SGSM2: variants seen among roughly 807,000 people sequenced by gnomAD.
The protein encoded by SGSM2 is small G protein signaling modulator 2.
Under a neutral mutation model 126.6 loss-of-function variants are expected in SGSM2, and 89 were observed. That is an observed-to-expected ratio of 0.70 (90% confidence interval 0.59 to 0.84). The LOEUF (loss-of-function observed/expected upper bound fraction) is 0.84. Ranked by LOEUF, SGSM2 falls within the 40% of genes least tolerant of loss-of-function variation. SGSM2 has a pLI of 0.00. For synonymous variants in SGSM2, 614 were observed against 574.3 expected, an observed-to-expected ratio of 1.07 and a Z score of -0.99; for missense variants, 1,404 against 1,416.6, an observed-to-expected ratio of 0.99 and a Z score of 0.14.
At chr17:2,352,981 G>A (rs568511946) in intron 2 of SGSM2, among the ~76,000 whole-genome samples, 95 of 151,474 alleles carry the variant, frequency 6.3e-4, no homozygotes, top group Non-Finnish European at 1.3e-3. Flanking sequence ...GTTTCACCAT[G>A]TTAGCCAGGA....
intron 12 of SGSM2, among the ~76,000 whole-genome samples, chr17:2,369,566 T>C (rs1292065720): frequency 6.6e-6 from 1 of 151,970 alleles, no homozygotes; most frequent in Non-Finnish European, 1.5e-5. Flanking sequence ...TCAGAGACAG[T>C]GTTCGAATGT....
In SGSM2 at chr17:2,380,425, C is replaced by T. The variant is rs1448089215; in HGVS notation, c.*905C>T. On this transcript the variant is annotated 3_prime_UTR_variant, in exon 24 of 24. Coordinates refer to ENST00000268989, the MANE Select transcript of SGSM2 (RefSeq NM_014853.3). ...GACAGGCCTCAGTTCGAGGGCAGCC[C>T]ATTATCTGTCGCAGACATCTGCCAT... 4.3e-6 allele frequency: 4 copies of T among 933,678 alleles called. No individual in the cohort carries two copies. The highest frequency in any genetic ancestry group is 3.2e-5 in the African/African-American group (2 of 61,546). The allele number at this position is 933,678 out of a possible 1,614,324, so 57.8% of individuals were successfully genotyped here.
chr17:2,375,800 C>T lies in SGSM2; in HGVS notation c.2409C>T (p.Pro803=), dbSNP rs370920155. Residue 803 remains proline (P), a synonymous_variant, in exon 18 of 24, where the codon CCC becomes CCT. Transcript: ENST00000268989. ...AAHTLREPQD[P]SQEKPQAGEL... is the part of the protein sequence containing the mutation. ...ACACTTTGAGGGAGCCCCAGGATCCCAGCCAGGAGAAGCCTCAGGCCGGAG... is the reference window on the plus strand; with the variant it reads ...ACACTTTGAGGGAGCCCCAGGATCCTAGCCAGGAGAAGCCTCAGGCCGGAG... 57 of 1,570,206 alleles carry T rather than the reference C, an allele frequency of 3.6e-5. No homozygotes were observed. The highest frequency in any genetic ancestry group is 4.5e-5 in the Non-Finnish European group (52 of 1,158,468).
chr17:2,377,022 G>A lies in SGSM2; in HGVS notation c.2756G>A (p.Gly919Glu). Residue 919 changes from glycine to glutamate, a missense_variant, in exon 21 of 24, where the codon GGG (glycine) becomes GAG (glutamate). Physicochemically the swap from Gly to Glu is moderately conservative, Grantham distance 98. Coordinates refer to ENST00000268989, the MANE Select transcript of SGSM2 (RefSeq NM_014853.3). Reference protein sequence around the residue: ...MKRMSQNFPNGGAMDTHFANM... With the variant: ...MKRMSQNFPNEGAMDTHFANM... ...AGGATGAGCCAGAACTTCCCCAACGGGGGTGCCATGGACACCCACTTTGCC... is the reference window on the plus strand; with the variant it reads ...AGGATGAGCCAGAACTTCCCCAACGAGGGTGCCATGGACACCCACTTTGCC... The A allele has an allele frequency of 6.2e-7, 1 of 1,613,826 alleles. No individual in the cohort carries two copies. The highest frequency in any genetic ancestry group is 8.5e-7 in the Non-Finnish European group (1 of 1,179,936).
chr17:2,364,368 C>A, intron 8 of SGSM2, 185 bp downstream of exon 8: 1 of 884,904 alleles, frequency 1.1e-6, no homozygotes. Context: ...CAAGCCTGGC[C>A]GTGAAGAGGT....
At chr17:2,373,648 A>T in intron 17 of SGSM2, 135 bp downstream of exon 17, 1 of 725,234 alleles carries the variant, frequency 1.4e-6, no homozygotes, top group Non-Finnish European at 2.2e-6. Context: ...CCTGTGTCTC[A>T]TTTTCTCCAA....
In SGSM2 at chr17:2,372,275, G is replaced by A. The variant is rs1384303075; in HGVS notation, c.1642+21G>A. 1 of 1,612,238 alleles carries A rather than the reference G, an allele frequency of 6.2e-7. No homozygotes were observed. Among genetic ancestry groups the A allele is most frequent in the East Asian group, 2.2e-5 (1 of 44,844 alleles). ...CGGCTGTGAGTGTGGGGCGCGCCGG[G>A]CTGTGGCGGGCTGGGGGCGGGCGGC... On this transcript the variant is annotated intron_variant, in intron 14 of 23. Transcript: ENST00000268989. This position sits in a 1 kb window ranked among gnomAD's most constrained non-coding sequence, Gnocchi z 6.0.
Position 2,367,098 on chromosome 17 carries a change from A to T in SGSM2, c.1289-173A>T, listed in dbSNP as rs1252521987. 2.8e-6 allele frequency: 2 copies of T among 723,508 alleles called. No homozygotes were observed. Among genetic ancestry groups the T allele is most frequent in the East Asian group, 5.6e-5 (2 of 35,794 alleles). The allele number at this position is 723,508 out of a possible 1,614,324, so 44.8% of individuals were successfully genotyped here. A position where few individuals can be genotyped will look rare whatever the true frequency, so the allele number is the denominator to read the frequency against. On this transcript the variant is annotated intron_variant, in intron 11 of 23. Transcript: ENST00000268989. The surrounding 1 kb of genome is among the most constrained non-coding windows in gnomAD (Gnocchi z 4.0). Reference sequence around the variant, plus strand: ...GCCCCAGCCCCTCGCCTCCTTCCACACTCTCCCAGGAAAATCATCCAAAGA... The same window carrying T: ...GCCCCAGCCCCTCGCCTCCTTCCACTCTCTCCCAGGAAAATCATCCAAAGA...
In SGSM2 at chr17:2,380,556, G is replaced by A; in HGVS notation, c.*1036G>A. On this transcript the variant is annotated 3_prime_UTR_variant, in exon 24 of 24. Coordinates refer to ENST00000268989, the MANE Select transcript of SGSM2 (RefSeq NM_014853.3). ...CACATGCTTCTCAGGATGCCAAGAGGCCTAGGAACCCAGAAACCCCCTTGG... is the reference window on the plus strand; with the variant it reads ...CACATGCTTCTCAGGATGCCAAGAGACCTAGGAACCCAGAAACCCCCTTGG... 1.8e-6 allele frequency: 1 copy of A among 560,796 alleles called. No homozygotes were observed. The highest frequency in any genetic ancestry group is 3.2e-6 in the Non-Finnish European group (1 of 312,884). 34.7% of individuals were successfully genotyped at this position (560,796 alleles called of 1,614,324 possible). A position where few individuals can be genotyped will look rare whatever the true frequency, so the allele number is the denominator to read the frequency against.
At chr17:2,346,252 C>A (rs1280378064) in intron 2 of SGSM2, among the ~76,000 whole-genome samples, 1 of 152,114 alleles carries the variant, frequency 6.6e-6, no homozygotes, top group Non-Finnish European at 1.5e-5. Context: ...CTAGCGACAC[C>A]ACGGTCCCTA....
At chr17:2,346,772 G>A (rs1455244807) in intron 2 of SGSM2, among the ~76,000 whole-genome samples, 1 of 152,116 alleles carries the variant, frequency 6.6e-6, no homozygotes, top group East Asian at 1.9e-4. Flanking sequence ...GTGGAGGGTG[G>A]CGCTAGGAGA....
chr17:2,345,257 T>C lies in SGSM2; in HGVS notation c.133+1637T>C, dbSNP rs537423040. ...CAGGTGGATCACCTGAGGTCAGGAG[T>C]TCGAGACCAGCCTGGCCAACTTGGT... On this transcript the variant is annotated intron_variant, in intron 2 of 23. Transcript: ENST00000268989. Among the ~76,000 whole-genome samples the C allele has an allele frequency of 1.6e-3, 246 of 151,646 alleles. 1 individual carries two copies. The highest frequency in any genetic ancestry group is 5.8e-3 in the African/African-American group (238 of 41,304).
At chr17:2,368,608 C>T (rs62067016) in intron 12 of SGSM2, among the ~76,000 whole-genome samples, 6 of 152,208 alleles carry the variant, frequency 3.9e-5, no homozygotes, top group Non-Finnish European at 8.8e-5. Context: ...AGCACACCCT[C>T]TGCACAAGCT....
intron 22 of SGSM2, 87 bp from the exon 23 acceptor site, chr17:2,378,949 C>G (rs1308995634): frequency 6.8e-7 from 1 of 1,470,086 alleles, no homozygotes; most frequent in East Asian, 2.5e-5. Flanking sequence ...TCAGCCCCAG[C>G]CTCAATCCCA....
chr17:2,372,598 GCCAC>G lies in SGSM2; in HGVS notation c.1788+111_1788+114del. Reference sequence around the variant, plus strand: ...GTGCGGTTGACAGGCCAGGGCCGATGCCACGGAGTGACCAGGGTCCCGGCAGAAT... The same window carrying G: ...GTGCGGTTGACAGGCCAGGGCCGATGGGAGTGACCAGGGTCCCGGCAGAAT... On this transcript the variant is annotated intron_variant, in intron 15 of 23. Coordinates refer to ENST00000268989, the MANE Select transcript of SGSM2 (RefSeq NM_014853.3). The surrounding 1 kb of genome is among the most constrained non-coding windows in gnomAD (Gnocchi z 6.0). 7.1e-7 allele frequency: 1 copy of G among 1,413,774 alleles called. No homozygotes were observed. The highest frequency in any genetic ancestry group is 9.6e-7 in the Non-Finnish European group (1 of 1,037,220). 87.6% of individuals were successfully genotyped at this position (1,413,774 alleles called of 1,614,324 possible). A position where few individuals can be genotyped will look rare whatever the true frequency, so the allele number is the denominator to read the frequency against.
Position 2,380,274 on chromosome 17 carries a change from T to G in SGSM2, c.*754T>G. 1 of 1,536,008 alleles carries G rather than the reference T, an allele frequency of 6.5e-7. No homozygotes were observed. ...TTGCGTTCTGCATTAGGTACTTCCCTGAAAACCACGTGTAAGAAGTGATGC... is the reference window on the plus strand; with the variant it reads ...TTGCGTTCTGCATTAGGTACTTCCCGGAAAACCACGTGTAAGAAGTGATGC... On this transcript the variant is annotated 3_prime_UTR_variant, in exon 24 of 24. Transcript: ENST00000268989.
chr17:2,349,043 C>T (rs1052420481), intron 2 of SGSM2, among the ~76,000 whole-genome samples: 3 of 151,506 alleles, frequency 2.0e-5, no homozygotes, highest in Admixed American at 6.6e-5. Flanking sequence ...GGATTACAGG[C>T]ATGAGCCACC....
At chr17:2,375,970 G>C in intron 18 of SGSM2, 95 bp downstream of exon 18, 3 of 1,501,148 alleles carry the variant, frequency 2.0e-6, no homozygotes, top group Non-Finnish European at 2.7e-6. Context: ...AAGGCGGGGC[G>C]CCCTGACTGC....
Position 2,372,041 on chromosome 17 carries a change from C to T in SGSM2, c.1578-149C>T, listed in dbSNP as rs2065895310. The T allele has an allele frequency of 2.2e-6, 2 of 902,664 alleles. No individual in the cohort carries two copies. Among genetic ancestry groups the T allele is most frequent in the South Asian group, 1.5e-5 (1 of 65,698 alleles). 55.9% of individuals were successfully genotyped at this position (902,664 alleles called of 1,614,324 possible). ...CCAGGTGGCAGGCAGGGACAGGGCA[C>T]CCACTGACGGCTGCTGGGCTGCGGC... On this transcript the variant is annotated intron_variant, in intron 13 of 23. Transcript: ENST00000268989. This position sits in a 1 kb window ranked among gnomAD's most constrained non-coding sequence, Gnocchi z 6.0.
Sources: allele counts gnomAD v4.1 joint callset (sites outside exome capture counted in the v4.1 genomes callset), GRCh38; gene constraint gnomAD v4.1.1; non-coding constraint Gnocchi (gnomAD v3.1); transcripts MANE v1.5; gene names NCBI Gene and HGNC (gene_info 2026-07-23, HGNC 2026-07-21).